The following ATG14 variants were observed in gnomAD, a reference collection of about 807,000 sequenced individuals.
The protein encoded by ATG14 is autophagy related 14.
Under a neutral mutation model 60.4 loss-of-function variants are expected in ATG14, and 35 were observed. The observed-to-expected ratio is 0.58, with a 90% CI of 0.44 to 0.77. ATG14 has a LOEUF of 0.77. ATG14 is among the 30% of genes least tolerant of loss of function. The pLI is 0.00. For synonymous variants in ATG14, 234 were observed against 228.8 expected, an observed-to-expected ratio of 1.02 and a Z score of -0.21; for missense variants, 647 against 626.3, an observed-to-expected ratio of 1.03 and a Z score of -0.35.
intron 9 of ATG14, among the ~76,000 whole-genome samples, chr14:55,372,576 A>G (rs780595878): frequency 7.2e-6 from 1 of 138,042 alleles, no homozygotes; most frequent in Non-Finnish European, 1.6e-5. Flanking sequence ...CCTTCTTTCC[A>G]TCCTTTCTTC....
Position 55,368,223 on chromosome 14 carries a change from A to ATTCT in ATG14, c.*1392_*1395dup, listed in dbSNP as rs1054589632. 1 of 152,162 alleles carries ATTCT rather than the reference A, an allele frequency of 6.6e-6. No individual in the cohort carries two copies. Among genetic ancestry groups the ATTCT allele is most frequent in the Admixed American group, 6.6e-5 (1 of 15,206 alleles). The allele number at this position is 152,162 out of a possible 1,614,324, so 9.4% of individuals were successfully genotyped here. A position where few individuals can be genotyped will look rare whatever the true frequency, so the allele number is the denominator to read the frequency against. ...TGAAAATGATCTCCTGCTGAGGGAA[A>ATTCT]TTCTTTTTTTTTTTGAGACGGAGTT... On this transcript the variant is annotated 3_prime_UTR_variant, in exon 10 of 10. Transcript: ENST00000247178.
chr14:55,366,936 T>C lies in ATG14; in HGVS notation c.*2683A>G, dbSNP rs1194271617. The C allele has an allele frequency of 1.3e-5, 2 of 152,548 alleles. No individual in the cohort carries two copies. The highest frequency in any genetic ancestry group is 4.8e-5 in the African/African-American group (2 of 41,438). The allele number at this position is 152,548 out of a possible 1,614,324, so 9.4% of individuals were successfully genotyped here. A position where few individuals can be genotyped will look rare whatever the true frequency, so the allele number is the denominator to read the frequency against. The stretch of plus-strand genomic sequence containing the variant: ...TTTACAGGGTGGATCCAGTGCAAAA[T>C]AATGAAACCCAAAATATTTCAGCAG... On this transcript the variant is annotated 3_prime_UTR_variant, in exon 10 of 10. Coordinates refer to ENST00000247178, the MANE Select transcript of ATG14 (RefSeq NM_014924.5).
rs559838024 is a variant in ATG14, at chr14:55,393,192, T to C, written c.328-2200A>G. Among the ~76,000 whole-genome samples, 23 of 151,620 alleles carry C rather than the reference T, an allele frequency of 1.5e-4. No homozygotes were observed. The East Asian group carries it at 1.8e-3, about 12-fold the overall frequency. ...GTCAGGAGATTGAGACCATCCTGGCTAACACGGTGAAACCCCGTCTCTACT... is the reference window on the plus strand; with the variant it reads ...GTCAGGAGATTGAGACCATCCTGGCCAACACGGTGAAACCCCGTCTCTACT... On this transcript the variant is annotated intron_variant, in intron 3 of 9. Coordinates refer to ENST00000247178, the MANE Select transcript of ATG14 (RefSeq NM_014924.5).
rs1258475862 is a variant in ATG14, at chr14:55,368,052, CTT to C, written c.*1565_*1566del. The C allele has an allele frequency of 6.5e-5, 10 of 152,688 alleles. No individual in the cohort carries two copies. Among genetic ancestry groups the C allele is most frequent in the African/African-American group, 2.4e-4 (10 of 41,568 alleles). The allele number at this position is 152,688 out of a possible 1,614,324, so 9.5% of individuals were successfully genotyped here. A position where few individuals can be genotyped will look rare whatever the true frequency, so the allele number is the denominator to read the frequency against. On this transcript the variant is annotated 3_prime_UTR_variant, in exon 10 of 10. Transcript: ENST00000247178. ...TATGGTAATAATGCCTGTTAGGACT[CTT>C]TCATAGGATTTCTTTTGGTAGTTGT...
chr14:55,375,481 C>A (rs907787288), intron 9 of ATG14, among the ~76,000 whole-genome samples: 3 of 145,946 alleles, frequency 2.1e-5, no homozygotes, highest in Non-Finnish European at 3.0e-5. Context: ...CATTACCACG[C>A]CGGGCTAAAT....
chr14:55,370,325 T>C lies in ATG14; in HGVS notation c.1173-400A>G, dbSNP rs74726735. ...ACAAAAAGCCACTTGATGTATACTC[T>C]GGATATTATTTAGTGTAATAAGTAA... On this transcript the variant is annotated intron_variant, in intron 9 of 9. Transcript: ENST00000247178. 7.5e-3 allele frequency among the ~76,000 whole-genome samples: 1,146 copies of C among 152,336 alleles called. 6 individuals are homozygous for C. The highest frequency in any genetic ancestry group is 0.013 in the Non-Finnish European group (901 of 68,022).
At chr14:55,411,437 T>C (rs1240292829) in intron 1 of ATG14, among the ~76,000 whole-genome samples, 165 bp downstream of exon 1, 1 of 152,220 alleles carries the variant, frequency 6.6e-6, no homozygotes, top group Non-Finnish European at 1.5e-5. Context: ...TACGCTGTCC[T>C]CTGGTAGCAA....
chr14:55,401,437 T>C (rs566361610), intron 1 of ATG14, among the ~76,000 whole-genome samples: 7 of 152,228 alleles, frequency 4.6e-5, no homozygotes, highest in African/African-American at 1.7e-4. Context: ...GTTTTTGTGC[T>C]GTTTTCTGAA....
chr14:55,371,651 A>G (rs1030257519), intron 9 of ATG14, among the ~76,000 whole-genome samples: 15 of 152,208 alleles, frequency 9.9e-5, no homozygotes, highest in East Asian at 7.7e-4. Flanking sequence ...AAAAATACAA[A>G]AAATTAGCTG....
intron 9 of ATG14, among the ~76,000 whole-genome samples, chr14:55,374,225 T>TA (rs1884877865): frequency 6.6e-6 from 1 of 151,944 alleles, no homozygotes; most frequent in Non-Finnish European, 1.5e-5. Flanking sequence ...TGTTTTTTTT[T>TA]AAAGAGATGG....
rs1939850257 is a variant in ATG14 at position 55,367,195 on chromosome 14, T to C, written c.*2424A>G. 6.6e-6 allele frequency: 1 copy of C among 152,244 alleles called. No individual in the cohort carries two copies. Among genetic ancestry groups the C allele is most frequent in the Non-Finnish European group, 1.5e-5 (1 of 68,046 alleles). The allele number at this position is 152,244 out of a possible 1,614,324, so 9.4% of individuals were successfully genotyped here. A position where few individuals can be genotyped will look rare whatever the true frequency, so the allele number is the denominator to read the frequency against. ...ATAAGAGGCTTAAGAAAACCATGACTGTTGTGCATCTCTCAGCTGAAGTCA... is the reference window on the plus strand; with the variant it reads ...ATAAGAGGCTTAAGAAAACCATGACCGTTGTGCATCTCTCAGCTGAAGTCA... On this transcript the variant is annotated 3_prime_UTR_variant, in exon 10 of 10. Coordinates refer to ENST00000247178, the MANE Select transcript of ATG14 (RefSeq NM_014924.5).
chr14:55,388,960 A>C (rs575644754), intron 4 of ATG14, among the ~76,000 whole-genome samples: 1 of 151,960 alleles, frequency 6.6e-6, no homozygotes, highest in East Asian at 1.9e-4. Flanking sequence ...TTTTTTTTTC[A>C]ACATGGCGAT....
chr14:55,374,596 G>A (rs1884884347), intron 9 of ATG14, among the ~76,000 whole-genome samples: 1 of 152,124 alleles, frequency 6.6e-6, no homozygotes, highest in South Asian at 2.1e-4. Flanking sequence ...GCTTACTTGG[G>A]AATTCCCTCA....
chr14:55,409,995 G>GT (rs1885546521), intron 1 of ATG14, among the ~76,000 whole-genome samples: 1 of 151,806 alleles, frequency 6.6e-6, no homozygotes, highest in South Asian at 2.1e-4. Context: ...GGGATTTGTT[G>GT]TAAGATAAGT....
chr14:55,385,709 TACTGTTTGTTGAA>T, intron 5 of ATG14, 137 bp downstream of exon 5: 1 of 752,386 alleles, frequency 1.3e-6, no homozygotes, highest in East Asian at 2.7e-5. Flanking sequence ...CTGCGGTGCG[TACTGTTTGTTGAA>T]ACAGATAAGA....
intron 5 of ATG14, 55 bp downstream of exon 5, chr14:55,385,803 TA>T: frequency 7.1e-7 from 1 of 1,413,784 alleles, no homozygotes. Flanking sequence ...TGACATACTT[TA>T]AAAAGTATTT....
Position 55,381,982 on chromosome 14 carries a change from T to C in ATG14, c.857A>G (p.Lys286Arg). ...YSAYYSWVEEKKTTQGPDMEQ... is the reference protein window; with the variant it reads ...YSAYYSWVEERKTTQGPDMEQ... ...CTCACCAGGCCCCTGGGTTGTTTTC[T>C]TCTCCTCCACCCAGCTGTAGTAGGC... Residue 286 changes from lysine to arginine, a missense_variant, in exon 6 of 10, where the codon AAG becomes AGG. Transcript: ENST00000247178. 6.2e-7 allele frequency: 1 copy of C among 1,614,190 alleles called. No homozygotes were observed. The highest frequency in any genetic ancestry group is 8.5e-7 in the Non-Finnish European group (1 of 1,179,992).
At chr14:55,380,979 T>C (rs1885024473) in intron 6 of ATG14, among the ~76,000 whole-genome samples, 1 of 150,328 alleles carries the variant, frequency 6.7e-6, no homozygotes, top group Non-Finnish European at 1.5e-5. Flanking sequence ...CCTGATAACG[T>C]AATATCAAAA....
At position 55,366,641 on chromosome 14, in the gene ATG14, T is replaced by TA. The variant is rs2140109707; in HGVS notation, c.*2977_*2978insT. ...CCCCCTTACAGATGTGCAAAACTTT[T>TA]CTTATATTCCATAACCAAAAAATGT... On this transcript the variant is annotated 3_prime_UTR_variant, in exon 10 of 10. Transcript: ENST00000247178. 1 of 93,332 alleles carries TA rather than the reference T, an allele frequency of 1.1e-5. No individual in the cohort carries two copies. The highest frequency in any genetic ancestry group is 3.0e-4 in the South Asian group (1 of 3,380). The allele number at this position is 93,332 out of a possible 1,614,324, so 5.8% of individuals were successfully genotyped here.
Sources: gnomAD v4.1 joint callset for allele counts (sites outside exome capture counted in the v4.1 genomes callset) on GRCh38, gnomAD v4.1.1 for gene constraint, MANE v1.5 for transcripts, NCBI Gene and HGNC (gene_info 2026-07-23, HGNC 2026-07-21) for gene names.